NBEA: variants seen among roughly 807,000 people sequenced by gnomAD.
The protein encoded by NBEA is neurobeachin.
A neutral mutation model predicts 343.4 loss-of-function variants in NBEA; 44 were observed. That is an observed-to-expected ratio of 0.13 (90% confidence interval 0.10 to 0.16). NBEA has a LOEUF of 0.16. Among genes scored for constraint, NBEA ranks in the 10% least tolerant of loss-of-function variants. NBEA has a pLI of 1.00. For synonymous variants in NBEA, 1,175 were observed against 1,238.7 expected (o/e 0.95, Z 1.08); for missense variants, 2,555 against 3,631.3 (o/e 0.70, Z 7.62).
intron 30 of NBEA, among the ~76,000 whole-genome samples, chr13:35,189,075 T>C (rs987165089): frequency 6.6e-6 from 1 of 151,786 alleles, no homozygotes. Context: ...CGCCCCACCA[T>C]GCTGGGCTAA....
At chr13:35,592,622 C>T (rs1282734585) in intron 46 of NBEA, among the ~76,000 whole-genome samples, 3 of 152,022 alleles carry the variant, frequency 2.0e-5, no homozygotes, top group African/African-American at 7.2e-5. Context: ...GGGAACATCA[C>T]AGACAAAGGA....
At chr13:35,025,315 C>A (rs868869060) in intron 1 of NBEA, among the ~76,000 whole-genome samples, 10 of 151,810 alleles carry the variant, frequency 6.6e-5, no homozygotes, top group African/African-American at 1.2e-4. Context: ...TTAGGCCTTA[C>A]ATTTAAGTCT....
In NBEA at chr13:35,539,401, G is replaced by T. The variant is rs1233453685; in HGVS notation, c.6586-11076G>T. Among the ~76,000 whole-genome samples, 7 of 152,122 alleles carry T rather than the reference G, an allele frequency of 4.6e-5. 1 individual carries two copies. Among genetic ancestry groups the T allele is most frequent in the Admixed American group, 3.3e-4 (5 of 15,270 alleles). Reference sequence around the variant, plus strand: ...ACGGCACACTGGGGAGCAGAGAAGTGTTCAGGATGGTTAGAATTTAAGAGC... The same window carrying T: ...ACGGCACACTGGGGAGCAGAGAAGTTTTCAGGATGGTTAGAATTTAAGAGC... On this transcript the variant is annotated intron_variant, in intron 41 of 58. Coordinates refer to ENST00000379939, the MANE Select transcript of NBEA (RefSeq NM_001385012.1).
At chr13:35,310,255 T>C (rs143869679) in intron 36 of NBEA, among the ~76,000 whole-genome samples, 2,275 of 152,284 alleles carry the variant, frequency 0.015, 29 homozygotes, top group Non-Finnish European at 0.022. Context: ...GTATGCTATA[T>C]CTAGTTTATC....
intron 1 of NBEA, among the ~76,000 whole-genome samples, chr13:35,006,993 T>G (rs2061340546): frequency 6.6e-6 from 1 of 152,248 alleles, no homozygotes; most frequent in Non-Finnish European, 1.5e-5. Flanking sequence ...AATATGTTGC[T>G]GCTTCTTTGA....
chr13:34,982,395 G>A (rs1170203012), intron 1 of NBEA, among the ~76,000 whole-genome samples: 1 of 152,064 alleles, frequency 6.6e-6, no homozygotes, highest in Non-Finnish European at 1.5e-5. Context: ...TGCCTCCTGG[G>A]TTCAATTGAA....
At chr13:35,168,338 A>G (rs1468410278) in intron 24 of NBEA, among the ~76,000 whole-genome samples, 2 of 151,648 alleles carry the variant, frequency 1.3e-5, no homozygotes, top group Non-Finnish European at 3.0e-5. Context: ...TAATGTAATA[A>G]GAATCTTAAA....
chr13:35,148,424 AG>A (rs1018670511), intron 18 of NBEA, among the ~76,000 whole-genome samples: 7 of 152,222 alleles, frequency 4.6e-5, no homozygotes, highest in Non-Finnish European at 1.0e-4. Flanking sequence ...ATCTATAAAA[AG>A]TTTGTTGACC....
chr13:35,104,115 A>G lies in NBEA; in HGVS notation c.1681-5175A>G, dbSNP rs554796275. ...CCTTTTCCTTAAGAACTAAAATGGT[A>G]AACATTTACCCAAGGACTTTTGCAT... is the stretch of plus-strand genomic sequence containing the variant. On this transcript the variant is annotated intron_variant, in intron 11 of 58. Coordinates refer to ENST00000379939, the MANE Select transcript of NBEA (RefSeq NM_001385012.1). Among the ~76,000 whole-genome samples the G allele has an allele frequency of 2.0e-5, 3 of 151,960 alleles. No individual in the cohort carries two copies. In the South Asian group the frequency reaches 6.2e-4, roughly 31 times the overall value.
In NBEA at chr13:35,108,250, A is replaced by G. The variant is rs555672369; in HGVS notation, c.1681-1040A>G. Among the ~76,000 whole-genome samples, 76 of 152,226 alleles carry G rather than the reference A, an allele frequency of 5.0e-4. No individual in the cohort carries two copies. In the Middle Eastern group the frequency reaches 0.014, roughly 27 times the overall value. On this transcript the variant is annotated intron_variant, in intron 11 of 58. Transcript: ENST00000379939. ...TTACCCTATGACTGAAAGGATAGTG[A>G]TACTACAAAATAGTATCACTAGATG...
intron 34 of NBEA, among the ~76,000 whole-genome samples, chr13:35,271,817 A>G (rs1045585312): frequency 1.3e-5 from 2 of 152,210 alleles, no homozygotes; most frequent in Non-Finnish European, 2.9e-5. Flanking sequence ...AAAAGAGTGA[A>G]AAGAAATGAA....
At chr13:35,570,799 A>G (rs548557962) in intron 45 of NBEA, among the ~76,000 whole-genome samples, 1 of 152,312 alleles carries the variant, frequency 6.6e-6, no homozygotes, top group East Asian at 1.9e-4. Context: ...TAATGTATGA[A>G]AATATATCTT....
intron 8 of NBEA, among the ~76,000 whole-genome samples, chr13:35,069,103 A>G (rs991552923): frequency 2.0e-5 from 3 of 152,208 alleles, no homozygotes; most frequent in Non-Finnish European, 4.4e-5. Context: ...CACTATCGAA[A>G]CATTGAATAT....
chr13:35,113,586 C>CT (rs1555307444), intron 13 of NBEA, among the ~76,000 whole-genome samples: 10 of 146,804 alleles, frequency 6.8e-5, no homozygotes, highest in East Asian at 4.0e-4. Flanking sequence ...CTCCTCCACT[C>CT]ATCTATCTAT....
At position 35,148,986 on chromosome 13, in the gene NBEA, CTATTT is replaced by C. The variant is rs141484632; in HGVS notation, c.2445+6613_2445+6617del. On this transcript the variant is annotated intron_variant, in intron 18 of 58. Transcript: ENST00000379939. ...TACTTTTAACTACTTAATTTTTTCTCTATTTTATCAGTAAATTTAAGAGTGGCTGC... is the reference window on the plus strand; with the variant it reads ...TACTTTTAACTACTTAATTTTTTCTCTATCAGTAAATTTAAGAGTGGCTGC... Among the ~76,000 whole-genome samples, 1,169 of 152,274 alleles carry C rather than the reference CTATTT, an allele frequency of 7.7e-3. 16 individuals carry two copies. Among genetic ancestry groups the C allele is most frequent in the African/African-American group, 0.026 (1,100 of 41,540 alleles).
Position 35,070,070 on chromosome 13 carries a change from AT to A in NBEA, c.1407del (p.Phe469LeufsTer8). ...LESSPKENAS[I>X]FVHSPHALML... ...ATCATCACCAAAAGAGAATGCATCA[AT>A]TTTTGTGCATTCCCCACATGCTCTA... On this transcript the variant is annotated frameshift_variant, in exon 9 of 59. Coordinates refer to ENST00000379939, the MANE Select transcript of NBEA (RefSeq NM_001385012.1). LOFTEE classifies it high-confidence loss of function. The A allele has an allele frequency of 6.3e-7, 1 of 1,598,374 alleles. No homozygotes were observed. Among genetic ancestry groups the A allele is most frequent in the Non-Finnish European group, 8.5e-7 (1 of 1,172,248 alleles).
At chr13:35,018,409 T>G (rs1271062208) in intron 1 of NBEA, among the ~76,000 whole-genome samples, 2 of 152,130 alleles carry the variant, frequency 1.3e-5, no homozygotes, top group Non-Finnish European at 2.9e-5. Flanking sequence ...TTGTTATTAT[T>G]TTTTAATCTT....
chr13:35,527,680 G>C lies in NBEA; in HGVS notation c.6586-22797G>C, dbSNP rs149774923. ...CAGAACGTGCTGGGAGCCAGGAGAG[G>C]CCAGGGAATGGGAACAGGCACTTCT... On this transcript the variant is annotated intron_variant, in intron 41 of 58. Transcript: ENST00000379939. Among the ~76,000 whole-genome samples the C allele has an allele frequency of 6.0e-3, 913 of 152,300 alleles. 6 individuals carry two copies. The highest frequency in any genetic ancestry group is 0.021 in the African/African-American group (858 of 41,554).
chr13:35,293,122 G>A (rs1381014061), intron 35 of NBEA, among the ~76,000 whole-genome samples: 1 of 151,736 alleles, frequency 6.6e-6, no homozygotes, highest in Non-Finnish European at 1.5e-5. Flanking sequence ...AATAGTTTGT[G>A]CCCAAAATAT....
Sources: gnomAD v4.1 joint callset for allele counts (sites outside exome capture counted in the v4.1 genomes callset) on GRCh38, gnomAD v4.1.1 for gene constraint, MANE v1.5 for transcripts, NCBI Gene and HGNC (gene_info 2026-07-23, HGNC 2026-07-21) for gene names.